Variants in FRZB observed in about 807,000 individuals in gnomAD.
FRZB encodes frizzled related protein, also known as secreted frizzled-related protein 3.
FRZB carries 34 observed loss-of-function variants against 32.5 expected under a neutral mutation model. That is an observed-to-expected ratio of 1.05 (90% CI 0.80 to 1.39). FRZB has a LOEUF of 1.39. Among genes scored for constraint, FRZB ranks in the 40% most tolerant of loss-of-function variants. The probability of loss-of-function intolerance (pLI) is 0.00; values close to 1 mark genes in which losing one functional copy is unlikely to be tolerated. For synonymous variants in FRZB, 170 were observed against 159.2 expected (o/e 1.07, Z -0.51); for missense variants, 423 against 424.8 (o/e 1.00, Z 0.04).
chr2:182,836,437 T>C (rs1695526472), intron 5 of FRZB, among the ~76,000 whole-genome samples: 1 of 152,126 alleles, frequency 6.6e-6, no homozygotes. Context: ...TATTGGTTTC[T>C]TTCCTTTAGA....
Position 182,834,657 on chromosome 2 carries a change from C to T in FRZB, c.*192G>A, listed in dbSNP as rs1247700232. On this transcript the variant is annotated 3_prime_UTR_variant, in exon 6 of 6. Coordinates refer to ENST00000295113, the MANE Select transcript of FRZB (RefSeq NM_001463.4). Reference sequence around the variant, plus strand: ...ATATACTTAAGAGTCTGCCCCCAAACCATTACAAAGGGGTTGAGAGAAGAG... The same window carrying T: ...ATATACTTAAGAGTCTGCCCCCAAATCATTACAAAGGGGTTGAGAGAAGAG... 1.7e-6 allele frequency: 1 copy of T among 588,990 alleles called. No homozygotes were observed. Among genetic ancestry groups the T allele is most frequent in the African/African-American group, 1.9e-5 (1 of 53,582 alleles). The allele number at this position is 588,990 out of a possible 1,614,324, so 36.5% of individuals were successfully genotyped here. A position where few individuals can be genotyped will look rare whatever the true frequency, so the allele number is the denominator to read the frequency against.
At chr2:182,851,583 G>A (rs937250154) in intron 2 of FRZB, among the ~76,000 whole-genome samples, 2 of 151,894 alleles carry the variant, frequency 1.3e-5, no homozygotes, top group African/African-American at 4.8e-5. Context: ...TTGAACCCAG[G>A]ACATGGAGGT....
intron 2 of FRZB, among the ~76,000 whole-genome samples, chr2:182,842,787 TGAG>T (rs1287762541): frequency 2.0e-5 from 3 of 152,146 alleles, no homozygotes; most frequent in Non-Finnish European, 4.4e-5. Flanking sequence ...ACCCAAATCC[TGAG>T]GAAATGCTGT....
At position 182,834,553 on chromosome 2, in the gene FRZB, C is replaced by A; in HGVS notation, c.*296G>T. ...ACATCTGGAGACTCCAGCAAAGAGG[C>A]TCTGGTAACAGCATGTTTAATTTAT... On this transcript the variant is annotated 3_prime_UTR_variant, in exon 6 of 6. Coordinates refer to ENST00000295113, the MANE Select transcript of FRZB (RefSeq NM_001463.4). 2.8e-6 allele frequency: 1 copy of A among 353,632 alleles called. No homozygotes were observed. The highest frequency in any genetic ancestry group is 5.0e-5 in the East Asian group (1 of 20,056). The allele number at this position is 353,632 out of a possible 1,614,324, so 21.9% of individuals were successfully genotyped here.
intron 5 of FRZB, 124 bp downstream of exon 5, chr2:182,837,824 C>T (rs74829584): frequency 0.025 from 17,005 of 681,122 alleles, 324 homozygotes; most frequent in Non-Finnish European, 0.035. Flanking sequence ...TAAATATATG[C>T]ATACTAAATT....
chr2:182,836,253 C>T (rs1695524480), intron 5 of FRZB, among the ~76,000 whole-genome samples: 1 of 151,894 alleles, frequency 6.6e-6, no homozygotes, highest in Non-Finnish European at 1.5e-5. Context: ...GAGCAAAACT[C>T]AGCTAAGAGC....
intron 2 of FRZB, among the ~76,000 whole-genome samples, chr2:182,849,753 A>C (rs1390254480): frequency 1.3e-5 from 2 of 152,266 alleles, no homozygotes; most frequent in Non-Finnish European, 2.9e-5. Context: ...TATTAATAAG[A>C]AAAGGAAATT....
chr2:182,850,567 T>A lies in FRZB; in HGVS notation c.527-8024A>T, dbSNP rs192834351. Among the ~76,000 whole-genome samples, 52 of 152,344 alleles carry A rather than the reference T, an allele frequency of 3.4e-4. No individual in the cohort carries two copies. In the Middle Eastern group the frequency reaches 0.01, roughly 30 times the overall value. On this transcript the variant is annotated intron_variant, in intron 2 of 5. Transcript: ENST00000295113. ...TCAAATGACAGGATTTCACTTTTTT[T>A]AATAGCTGAACAATATGTCATTGTG...
intron 2 of FRZB, among the ~76,000 whole-genome samples, chr2:182,854,524 C>A (rs1242058548): frequency 6.6e-6 from 1 of 152,208 alleles, no homozygotes; most frequent in African/African-American, 2.4e-5. Flanking sequence ...ATTTTGCAGA[C>A]AGAGTACACT....
At chr2:182,855,785 A>G (rs1352817141) in intron 2 of FRZB, among the ~76,000 whole-genome samples, 1 of 152,214 alleles carries the variant, frequency 6.6e-6, no homozygotes, top group Non-Finnish European at 1.5e-5. Context: ...TATAGATTCA[A>G]GAAGCTCAGA....
intron 2 of FRZB, among the ~76,000 whole-genome samples, chr2:182,845,314 T>C (rs1032100976): frequency 5.3e-5 from 8 of 152,204 alleles, no homozygotes; most frequent in Non-Finnish European, 1.0e-4. Flanking sequence ...AGTTTATTTT[T>C]ATTACCTATA....
chr2:182,860,037 T>C (rs1424235288), intron 1 of FRZB, among the ~76,000 whole-genome samples: 2 of 152,184 alleles, frequency 1.3e-5, no homozygotes, highest in African/African-American at 4.8e-5. Flanking sequence ...GAAGAAATTA[T>C]ATTGGCCCAT....
chr2:182,847,411 C>T (rs1471105108), intron 2 of FRZB, among the ~76,000 whole-genome samples: 4 of 152,070 alleles, frequency 2.6e-5, no homozygotes, highest in Non-Finnish European at 4.4e-5. Context: ...ATTGAAAAAG[C>T]GTCTTCCAAA....
Position 182,866,333 on chromosome 2 carries a change from C to G in FRZB, c.220G>C (p.Gly74Arg), listed in dbSNP as rs1695891725. The change falls in exon 1 of 6, where the codon GGT (glycine) becomes CGT (arginine). Residue 74 changes from glycine (G) to arginine (R), a missense_variant. Transcript: ENST00000295113. The surrounding 1 kb of genome is among the most constrained non-coding windows in gnomAD (Gnocchi z 4.5). ...GGGCTGCAGTGGGTGCCCAGCAGACCTTCGAACTGCTCGATGGCCAGGATG... is the reference window on the plus strand; with the variant it reads ...GGGCTGCAGTGGGTGCCCAGCAGACGTTCGAACTGCTCGATGGCCAGGATG... ...NAILAIEQFE[G>R]LLGTHCSPDL... 1.2e-6 allele frequency: 2 copies of G among 1,614,102 alleles called. No homozygotes were observed. Among genetic ancestry groups the G allele is most frequent in the South Asian group, 2.2e-5 (2 of 91,088 alleles).
At chr2:182,854,379 T>C (rs1056311446) in intron 2 of FRZB, among the ~76,000 whole-genome samples, 2 of 152,076 alleles carry the variant, frequency 1.3e-5, no homozygotes, top group Non-Finnish European at 2.9e-5. Context: ...ACATAAGAAC[T>C]CTAAAACGTA....
Position 182,866,242 on chromosome 2 carries a change from G to T in FRZB, c.311C>A (p.Pro104His). The T allele has an allele frequency of 6.2e-7, 1 of 1,614,226 alleles. No homozygotes were observed. The highest frequency in any genetic ancestry group is 8.5e-7 in the Non-Finnish European group (1 of 1,180,048). The change falls in exon 1 of 6, where the codon CCC (proline) becomes CAC (histidine). Residue 104 changes from proline to histidine, a missense_variant. By Grantham distance (77) the Pro-to-His change is moderately conservative. Coordinates refer to ENST00000295113, the MANE Select transcript of FRZB (RefSeq NM_001463.4). This position sits in a 1 kb window ranked among gnomAD's most constrained non-coding sequence, Gnocchi z 4.5. ...PICTIDFQHE[P>H]IKPCKSVCER... ...GCACACAGACTTACAGGGCTTGATG[G>T]GCTCGTGCTGGAAGTCAATGGTGCA...
chr2:182,843,922 C>A (rs1695612098), intron 2 of FRZB, among the ~76,000 whole-genome samples: 1 of 151,210 alleles, frequency 6.6e-6, no homozygotes. Flanking sequence ...TAGAGTAAGA[C>A]CCCGTCTCAA....
chr2:182,851,838 A>G (rs2105759403), intron 2 of FRZB, among the ~76,000 whole-genome samples: 1 of 152,290 alleles, frequency 6.6e-6, no homozygotes, highest in East Asian at 1.9e-4. Context: ...ATGAACTCCA[A>G]CAGGAGGAAT....
intron 2 of FRZB, among the ~76,000 whole-genome samples, chr2:182,855,431 T>G (rs1695757722): frequency 6.6e-6 from 1 of 152,116 alleles, no homozygotes; most frequent in Non-Finnish European, 1.5e-5. Context: ...ATAGAAAGTC[T>G]TACCAAAGAA....
Sources: gnomAD v4.1 joint callset for allele counts (sites outside exome capture counted in the v4.1 genomes callset) on GRCh38, gnomAD v4.1.1 for gene constraint, Gnocchi (gnomAD v3.1) non-coding constraint, MANE v1.5 for transcripts, NCBI Gene and HGNC (gene_info 2026-07-23, HGNC 2026-07-21) for gene names.